TBC1D24: variants seen among roughly 807,000 people sequenced by gnomAD.
TBC1D24 encodes the protein TBC1 domain family member 24.
In TBC1D24, 47 loss-of-function variants were observed where a neutral mutation model predicts 50.7. The ratio of observed to expected loss-of-function variants is 0.93; its 90% CI spans 0.73 to 1.18. TBC1D24 has a LOEUF of 1.18. Among genes scored for constraint, TBC1D24 ranks in the 50% most tolerant of loss-of-function variants. The pLI is 0.00. For missense variants in TBC1D24, 688 were observed against 766.5 expected, an observed-to-expected ratio of 0.90 and a Z score of 1.21; for synonymous variants, 324 against 335.2, an observed-to-expected ratio of 0.97 and a Z score of 0.36.
At position 2,486,385 on chromosome 16, in the gene TBC1D24, A is replaced by G. The variant is rs2065651142; in HGVS notation, c.-115-9649A>G. 6.6e-6 allele frequency among the ~76,000 whole-genome samples: 1 copy of G among 152,216 alleles called. No individual in the cohort carries two copies. Among genetic ancestry groups the G allele is most frequent in the Non-Finnish European group, 1.5e-5 (1 of 68,042 alleles). On this transcript the variant is annotated intron_variant, in intron 1 of 7. Coordinates refer to ENST00000646147, the MANE Select transcript of TBC1D24 (RefSeq NM_001199107.2). This position sits in a 1 kb window ranked among gnomAD's most constrained non-coding sequence, Gnocchi z 5.8. ...CTCAGACCAGATGGGAAGAAGTGAG[A>G]CGAGCGGCAGCTGACGCCCATGCCC...
rs1348679671 is a variant in TBC1D24 at position 2,482,424 on chromosome 16, G to C, written c.-116+7254G>C. On this transcript the variant is annotated intron_variant, in intron 1 of 7. Coordinates refer to ENST00000646147, the MANE Select transcript of TBC1D24 (RefSeq NM_001199107.2). This position sits in a 1 kb window ranked among gnomAD's most constrained non-coding sequence, Gnocchi z 5.2. Reference sequence around the variant, plus strand: ...CCATGGAGGCCTGTGAAGGAGGGGCGATTGGACTGAGCAGAAAGCGAAAGG... The same window carrying C: ...CCATGGAGGCCTGTGAAGGAGGGGCCATTGGACTGAGCAGAAAGCGAAAGG... 6.6e-6 allele frequency among the ~76,000 whole-genome samples: 1 copy of C among 152,202 alleles called. No homozygotes were observed. Among genetic ancestry groups the C allele is most frequent in the Non-Finnish European group, 1.5e-5 (1 of 68,032 alleles).
At position 2,475,144 on chromosome 16, in the gene TBC1D24, A is replaced by T. The variant is rs2065554671; in HGVS notation, c.-142A>T. The T allele has an allele frequency of 6.6e-6, 1 of 150,582 alleles. No individual in the cohort carries two copies. Among genetic ancestry groups the T allele is most frequent in the African/African-American group, 2.4e-5 (1 of 41,158 alleles). The allele number at this position is 150,582 out of a possible 1,614,324, so 9.3% of individuals were successfully genotyped here. The stretch of plus-strand genomic sequence containing the variant: ...GCGTGCGCAGAAAGGCCGGCGCGGC[A>T]GGCTGAGGAGAAAGCGGCGCGCGGA... On this transcript the variant is annotated 5_prime_UTR_variant, in exon 1 of 8. Transcript: ENST00000646147. The surrounding 1 kb of genome is among the most constrained non-coding windows in gnomAD (Gnocchi z 4.2).
rs1345066152 is a variant in TBC1D24 at position 2,499,743 on chromosome 16, C to T, written c.1207-92C>T. On this transcript the variant is annotated intron_variant, in intron 5 of 7. Coordinates refer to ENST00000646147, the MANE Select transcript of TBC1D24 (RefSeq NM_001199107.2). The surrounding 1 kb of genome is among the most constrained non-coding windows in gnomAD (Gnocchi z 4.0). ...GGAGACGGCAATGCCTGCACCCCCA[C>T]CTGTGACCTGGGACAGGCCCGTCAG... 7 of 1,154,506 alleles carry T rather than the reference C, an allele frequency of 6.1e-6. No individual in the cohort carries two copies. The highest frequency in any genetic ancestry group is 7.9e-6 in the Non-Finnish European group (6 of 761,286). The allele number at this position is 1,154,506 out of a possible 1,614,324, so 71.5% of individuals were successfully genotyped here. A position where few individuals can be genotyped will look rare whatever the true frequency, so the allele number is the denominator to read the frequency against.
intron 1 of TBC1D24, among the ~76,000 whole-genome samples, chr16:2,492,526 G>C (rs1480126978): frequency 6.6e-6 from 1 of 152,180 alleles, no homozygotes; most frequent in East Asian, 1.9e-4. Context: ...CACCCAAACA[G>C]GATGGGCCTG....
intron 1 of TBC1D24, among the ~76,000 whole-genome samples, chr16:2,495,720 C>T (rs868427412): frequency 9.9e-5 from 15 of 151,820 alleles, no homozygotes; most frequent in Non-Finnish European, 1.8e-4. Context: ...AGGAGGTTGC[C>T]GTGAGTGGAG....
In TBC1D24 at chr16:2,500,501, G is replaced by A; in HGVS notation, c.1525+11G>A. The A allele has an allele frequency of 6.5e-7, 1 of 1,550,318 alleles. No homozygotes were observed. The highest frequency in any genetic ancestry group is 1.2e-5 in the South Asian group (1 of 84,410). ...ACTGCCTCATCGTCGGTGAGCGCCA[G>A]CAGACGGGGCTCTGGGATGAGGGTG... is the stretch of plus-strand genomic sequence containing the variant. On this transcript the variant is annotated intron_variant, in intron 7 of 7. Coordinates refer to ENST00000646147, the MANE Select transcript of TBC1D24 (RefSeq NM_001199107.2). The surrounding 1 kb of genome is among the most constrained non-coding windows in gnomAD (Gnocchi z 8.0).
In TBC1D24 at chr16:2,487,620, G is replaced by C. The variant is rs931398234; in HGVS notation, c.-115-8414G>C. On this transcript the variant is annotated intron_variant, in intron 1 of 7. Coordinates refer to ENST00000646147, the MANE Select transcript of TBC1D24 (RefSeq NM_001199107.2). This position sits in a 1 kb window ranked among gnomAD's most constrained non-coding sequence, Gnocchi z 4.1. ...GAGTTTGGTGCTGGAGTTTTGTGCT[G>C]GAGTTTGGTGTTGGAGTTTGGTGTT... Among the ~76,000 whole-genome samples, 1 of 149,500 alleles carries C rather than the reference G, an allele frequency of 6.7e-6. No individual in the cohort carries two copies. Among genetic ancestry groups the C allele is most frequent in the African/African-American group, 2.4e-5 (1 of 41,242 alleles).
intron 2 of TBC1D24, 74 bp from the exon 3 acceptor site, chr16:2,497,636 C>T (rs945064654): frequency 1.3e-5 from 18 of 1,429,006 alleles, no homozygotes; most frequent in African/African-American, 5.6e-5. Context: ...GTCGGGGGAT[C>T]GGTACTCACA....
In TBC1D24 at chr16:2,487,128, G is replaced by A. The variant is rs985270408; in HGVS notation, c.-115-8906G>A. Among the ~76,000 whole-genome samples, 3 of 152,218 alleles carry A rather than the reference G, an allele frequency of 2.0e-5. No individual in the cohort carries two copies. The highest frequency in any genetic ancestry group is 1.9e-4 in the East Asian group (1 of 5,194). On this transcript the variant is annotated intron_variant, in intron 1 of 7. Coordinates refer to ENST00000646147, the MANE Select transcript of TBC1D24 (RefSeq NM_001199107.2). This position sits in a 1 kb window ranked among gnomAD's most constrained non-coding sequence, Gnocchi z 4.1. ...TGCCAGGGCCGCCCAGCTCGCCTTC[G>A]CCCACTCTTGCCTCCACATCTGAGG...
Position 2,500,919 on chromosome 16 carries a change from C to G in TBC1D24, c.1641C>G (p.Ala547=). The G allele has an allele frequency of 6.2e-7, 1 of 1,612,852 alleles. No homozygotes were observed. Among genetic ancestry groups the G allele is most frequent in the Non-Finnish European group, 8.5e-7 (1 of 1,179,960 alleles). ...GCTCCGAGAACTTCCTCATTGCTGC[C>G]GTGGAGGCCTGGGGCTTCCAGGACC... ...PLCSENFLIA[A]VEAWGFQDPD... Residue 547 remains alanine (A), a synonymous_variant, in exon 8 of 8, where the codon GCC becomes GCG. Coordinates refer to ENST00000646147, the MANE Select transcript of TBC1D24 (RefSeq NM_001199107.2). The surrounding 1 kb of genome is among the most constrained non-coding windows in gnomAD (Gnocchi z 8.0).
chr16:2,486,248 C>T lies in TBC1D24; in HGVS notation c.-115-9786C>T, dbSNP rs1421367388. ...GAAGCCCGCAGGGGCCACAGCACCT[C>T]CTTCCTGTGGTCCCTAGCTGCGGGC... is the stretch of plus-strand genomic sequence containing the variant. On this transcript the variant is annotated intron_variant, in intron 1 of 7. Coordinates refer to ENST00000646147, the MANE Select transcript of TBC1D24 (RefSeq NM_001199107.2). This position sits in a 1 kb window ranked among gnomAD's most constrained non-coding sequence, Gnocchi z 5.8. 2.6e-5 allele frequency among the ~76,000 whole-genome samples: 4 copies of T among 152,222 alleles called. No individual in the cohort carries two copies. The highest frequency in any genetic ancestry group is 5.9e-5 in the Non-Finnish European group (4 of 68,028).
In TBC1D24 at chr16:2,487,696, CTGGAGTTTGGTGT is replaced by C. The variant is rs1339500845; in HGVS notation, c.-115-8323_-115-8311del. Among the ~76,000 whole-genome samples the C allele has an allele frequency of 1.5e-4, 23 of 149,720 alleles. No individual in the cohort carries two copies. Among genetic ancestry groups the C allele is most frequent in the Admixed American group, 2.0e-4 (3 of 15,082 alleles). On this transcript the variant is annotated intron_variant, in intron 1 of 7. Transcript: ENST00000646147. The surrounding 1 kb of genome is among the most constrained non-coding windows in gnomAD (Gnocchi z 4.1). ...TGGAGTTTGGTGCTGGAGTTTGGTG[CTGGAGTTTGGTGT>C]TGGAGTTTGGTGTTTGGGGATGGCA... is the stretch of plus-strand genomic sequence containing the variant.
Position 2,500,053 on chromosome 16 carries a change from C to A in TBC1D24, c.1302+123C>A. The A allele has an allele frequency of 9.9e-7, 1 of 1,013,372 alleles. No individual in the cohort carries two copies. Among genetic ancestry groups the A allele is most frequent in the Non-Finnish European group, 1.6e-6 (1 of 640,308 alleles). 62.8% of individuals were successfully genotyped at this position (1,013,372 alleles called of 1,614,324 possible). A position where few individuals can be genotyped will look rare whatever the true frequency, so the allele number is the denominator to read the frequency against. On this transcript the variant is annotated intron_variant, in intron 6 of 7. Transcript: ENST00000646147. This position sits in a 1 kb window ranked among gnomAD's most constrained non-coding sequence, Gnocchi z 8.0. ...CATGGCAGTCACCCAGCAGCGTCAT[C>A]GCCCTGTGTGCTTCCGGGTTTGATC... is the stretch of plus-strand genomic sequence containing the variant.
In TBC1D24 at chr16:2,500,859, A is replaced by G. The variant is rs1217553094; in HGVS notation, c.1581A>G (p.Thr527=). The G allele has an allele frequency of 6.2e-7, 1 of 1,612,234 alleles. No individual in the cohort carries two copies. The highest frequency in any genetic ancestry group is 1.3e-5 in the African/African-American group (1 of 74,930). Residue 527 remains threonine, a synonymous_variant, in exon 8 of 8, where the codon ACA becomes ACG. Transcript: ENST00000646147. The surrounding 1 kb of genome is among the most constrained non-coding windows in gnomAD (Gnocchi z 8.0). ...YIDGDLNRGR[T]SHCDTFNNQP... is the part of the protein sequence containing the mutation. ...ATGGGGACCTGAACCGGGGCCGCAC[A>G]AGCCACTGCGACACCTTCAACAACC...
chr16:2,504,334 C>T lies in TBC1D24; in HGVS notation c.*3376C>T, dbSNP rs753253035. 6.6e-6 allele frequency: 1 copy of T among 151,888 alleles called. No individual in the cohort carries two copies. The highest frequency in any genetic ancestry group is 1.5e-5 in the Non-Finnish European group (1 of 68,004). 9.4% of individuals were successfully genotyped at this position (151,888 alleles called of 1,614,324 possible). On this transcript the variant is annotated 3_prime_UTR_variant, in exon 8 of 8. Coordinates refer to ENST00000646147, the MANE Select transcript of TBC1D24 (RefSeq NM_001199107.2). ...CAGGGTTTCCATGTACCCTCACCTT[C>T]CCCCAAGTCAATATCAAAACAAAGA...
Position 2,483,917 on chromosome 16 carries a change from C to G in TBC1D24, c.-116+8747C>G, listed in dbSNP as rs749519725. On this transcript the variant is annotated intron_variant, in intron 1 of 7. Transcript: ENST00000646147. The surrounding 1 kb of genome is among the most constrained non-coding windows in gnomAD (Gnocchi z 4.0). ...GGGGAAGACCAGCGGCTGTGCTCAC[C>G]GTGGTTAGTGACACTGTCACCATCC... 6.6e-6 allele frequency: 1 copy of G among 152,300 alleles called. No individual in the cohort carries two copies. Among genetic ancestry groups the G allele is most frequent in the Non-Finnish European group, 1.5e-5 (1 of 68,142 alleles). The allele number at this position is 152,300 out of a possible 1,614,324, so 9.4% of individuals were successfully genotyped here. A position where few individuals can be genotyped will look rare whatever the true frequency, so the allele number is the denominator to read the frequency against.
At chr16:2,478,007 C>G (rs962278823) in intron 1 of TBC1D24, 1 of 152,236 alleles carries the variant, frequency 6.6e-6, no homozygotes, top group Non-Finnish European at 1.5e-5. Context: ...TTGAGTTCCA[C>G]CTGGGAGTTT....
Position 2,496,705 on chromosome 16 carries a change from T to C in TBC1D24, c.557T>C (p.Leu186Pro). The C allele has an allele frequency of 1.2e-6, 2 of 1,613,644 alleles. No individual in the cohort carries two copies. The highest frequency in any genetic ancestry group is 1.6e-4 in the Middle Eastern group (1 of 6,062). Reference protein sequence around the residue: ...FESSCMTFGDLVNKYCQAAHK... With the variant: ...FESSCMTFGDPVNKYCQAAHK... ...TCGTCCTGCATGACGTTTGGGGACC[T>C]GGTGAACAAGTACTGCCAGGCGGCC... The change falls in exon 2 of 8, where the codon CTG becomes CCG. Residue 186 changes from leucine to proline, a missense_variant. Transcript: ENST00000646147.
chr16:2,488,127 G>A (rs1008357309), intron 1 of TBC1D24, among the ~76,000 whole-genome samples: 4 of 152,216 alleles, frequency 2.6e-5, no homozygotes, highest in Non-Finnish European at 5.9e-5. Flanking sequence ...CTTGACAGAC[G>A]GCCCGCCTCC....
Sources: gnomAD v4.1 joint callset for allele counts (sites outside exome capture counted in the v4.1 genomes callset) on GRCh38, gnomAD v4.1.1 for gene constraint, Gnocchi (gnomAD v3.1) non-coding constraint, MANE v1.5 for transcripts, NCBI Gene and HGNC (gene_info 2026-07-23, HGNC 2026-07-21) for gene names.